LYAR: variants seen among roughly 807,000 people sequenced by gnomAD.
LYAR encodes the protein cell growth-regulating nucleolar protein.
LYAR carries 37 observed loss-of-function variants against 45.2 expected under a neutral mutation model. The observed-to-expected ratio is 0.82, with a 90% CI of 0.63 to 1.08. The LOEUF (loss-of-function observed/expected upper bound fraction) is 1.08. Ranked by LOEUF, LYAR falls within the 50% of genes least tolerant of loss-of-function variation. The probability of loss-of-function intolerance (pLI) is 0.00; values close to 1 mark genes in which losing one functional copy is unlikely to be tolerated. For missense variants in LYAR, 493 were observed against 451.0 expected (o/e 1.09, Z -0.84); for synonymous variants, 176 against 155.1 (o/e 1.14, Z -1.00).
chr4:4,279,389 T>C, intron 6 of LYAR, 58 bp downstream of exon 6: 1 of 1,148,560 alleles, frequency 8.7e-7, no homozygotes, highest in Non-Finnish European at 1.3e-6. Context: ...GAAATTCCCA[T>C]TTCATTATTA....
intron 8 of LYAR, 183 bp from the exon 9 acceptor site, chr4:4,268,798 A>C: frequency 1.9e-6 from 1 of 536,202 alleles, no homozygotes; most frequent in Non-Finnish European, 3.3e-6. Context: ...CTACCCTTCA[A>C]AGGACTGGCT....
chr4:4,275,035 C>T (rs1335774360), intron 6 of LYAR, among the ~76,000 whole-genome samples: 2 of 152,160 alleles, frequency 1.3e-5, no homozygotes, highest in Non-Finnish European at 2.9e-5. Context: ...ATCCTTATGT[C>T]GCTGAAGATA....
rs75362373 is a variant in LYAR at position 4,283,839 on chromosome 4, A to G, written c.-53-44T>C. 4,200 of 869,268 alleles carry G rather than the reference A, an allele frequency of 4.8e-3. 111 individuals carry two copies. The African/African-American group carries it at 0.061, about 13-fold the overall frequency. The allele number at this position is 869,268 out of a possible 1,614,324, so 53.8% of individuals were successfully genotyped here. A position where few individuals can be genotyped will look rare whatever the true frequency, so the allele number is the denominator to read the frequency against. On this transcript the variant is annotated intron_variant, in intron 2 of 9. Transcript: ENST00000343470. The stretch of plus-strand genomic sequence containing the variant: ...TTATAATTATAAACTGAAACTTCTC[A>G]TTTCAATAAATGGCTCATGCCCCTA...
rs751988467 is a variant in LYAR, at chr4:4,279,408, T to C, written c.429+39A>G. 3.3e-5 allele frequency: 43 copies of C among 1,297,874 alleles called. No homozygotes were observed. In the Middle Eastern group the frequency reaches 1.3e-3, roughly 40 times the overall value. The allele number at this position is 1,297,874 out of a possible 1,614,324, so 80.4% of individuals were successfully genotyped here. On this transcript the variant is annotated intron_variant, in intron 6 of 9. Transcript: ENST00000343470. Reference sequence around the variant, plus strand: ...TTCCCATTTCATTATTACTAATTATTTTTGCCACAATGCAAATCTAAAATC... The same window carrying C: ...TTCCCATTTCATTATTACTAATTATCTTTGCCACAATGCAAATCTAAAATC...
chr4:4,273,993 T>A (rs1429775131), intron 7 of LYAR, among the ~76,000 whole-genome samples: 2 of 152,112 alleles, frequency 1.3e-5, no homozygotes, highest in African/African-American at 4.8e-5. Context: ...CCCCAGCACT[T>A]TGGGAGGCCG....
chr4:4,271,267 G>A lies in LYAR; in HGVS notation c.919+2316C>T, dbSNP rs1219085205. Among the ~76,000 whole-genome samples, 4 of 152,160 alleles carry A rather than the reference G, an allele frequency of 2.6e-5. No individual in the cohort carries two copies. In the East Asian group the frequency reaches 7.7e-4, roughly 29 times the overall value. ...CCACAAATAAGTGAAAACATGCTAT[G>A]CTTGTCTTCCTGTGCTTGGCTTATT... On this transcript the variant is annotated intron_variant, in intron 8 of 9. Coordinates refer to ENST00000343470, the MANE Select transcript of LYAR (RefSeq NM_017816.3).
intron 6 of LYAR, among the ~76,000 whole-genome samples, chr4:4,276,861 G>A (rs1437630953): frequency 6.6e-6 from 1 of 151,954 alleles, no homozygotes; most frequent in Non-Finnish European, 1.5e-5. Flanking sequence ...CGTCTCAAAA[G>A]AAAAGAAAAT....
At chr4:4,279,819 A>G in intron 4 of LYAR, 70 bp from the exon 5 acceptor site, 1 of 1,019,960 alleles carries the variant, frequency 9.8e-7, no homozygotes, top group South Asian at 1.4e-5. Context: ...AAGCCAATTG[A>G]AAAAGTCCTT....
chr4:4,288,320 T>C (rs1035514289), intron 1 of LYAR, among the ~76,000 whole-genome samples: 4 of 152,074 alleles, frequency 2.6e-5, no homozygotes, highest in Non-Finnish European at 5.9e-5. Flanking sequence ...AACCCACCCA[T>C]TTATGTTCAT....
In LYAR at chr4:4,281,806, T is replaced by A. The variant is rs1340708933; in HGVS notation, c.214A>T (p.Ile72Phe). 1 of 1,614,112 alleles carries A rather than the reference T, an allele frequency of 6.2e-7. No homozygotes were observed. The highest frequency in any genetic ancestry group is 1.1e-5 in the South Asian group (1 of 91,088). ...GYEGKTHKGDIKQQAWIQKIS... is the reference protein window; with the variant it reads ...GYEGKTHKGDFKQQAWIQKIS... Reference sequence around the variant, plus strand: ...ACCTGAATCCACGCCTGCTGTTTGATGTCGCCTTTGTGGGTTTTACCTTCA... The same window carrying A: ...ACCTGAATCCACGCCTGCTGTTTGAAGTCGCCTTTGTGGGTTTTACCTTCA... The change falls in exon 4 of 10, where the codon ATC becomes TTC. Residue 72 changes from isoleucine to phenylalanine, a missense_variant. Coordinates refer to ENST00000343470, the MANE Select transcript of LYAR (RefSeq NM_017816.3).
At chr4:4,268,735 C>G in intron 8 of LYAR, 120 bp from the exon 9 acceptor site, 2 of 643,122 alleles carry the variant, frequency 3.1e-6, no homozygotes. Flanking sequence ...TCTAATGAAC[C>G]AGACTCCATA....
intron 8 of LYAR, among the ~76,000 whole-genome samples, chr4:4,271,601 A>G (rs1489920167): frequency 2.6e-5 from 4 of 152,218 alleles, no homozygotes; most frequent in African/African-American, 4.8e-5. Flanking sequence ...GCGGTTCTCC[A>G]TAGTGGTTGT....
At chr4:4,268,698 T>C (rs1718809039) in intron 8 of LYAR, 83 bp from the exon 9 acceptor site, 3 of 848,988 alleles carry the variant, frequency 3.5e-6, no homozygotes, top group Non-Finnish European at 5.7e-6. Flanking sequence ...GCAACACCTA[T>C]TTGCTTCCCA....
intron 1 of LYAR, among the ~76,000 whole-genome samples, chr4:4,288,603 A>G (rs1322382583): frequency 6.7e-6 from 1 of 150,312 alleles, no homozygotes; most frequent in African/African-American, 2.5e-5. Flanking sequence ...CTCCGGCCTC[A>G]GCCTCCCCAG....
At chr4:4,281,043 A>G (rs1719371710) in intron 4 of LYAR, among the ~76,000 whole-genome samples, 1 of 152,200 alleles carries the variant, frequency 6.6e-6, no homozygotes, top group South Asian at 2.1e-4. Context: ...GCATGTTTTC[A>G]TGCTGTTTTA....
chr4:4,288,879 C>G (rs1258826153), intron 1 of LYAR, among the ~76,000 whole-genome samples: 1 of 152,232 alleles, frequency 6.6e-6, no homozygotes, highest in Admixed American at 6.5e-5. Context: ...CCTGAGGGGC[C>G]TAGCTGGCAA....
Position 4,274,465 on chromosome 4 carries a change from G to A in LYAR, c.734C>T (p.Ala245Val), listed in dbSNP as rs1196418532. The A allele has an allele frequency of 6.2e-7, 1 of 1,614,084 alleles. No homozygotes were observed. The highest frequency in any genetic ancestry group is 1.7e-5 in the Admixed American group (1 of 60,016). The stretch of plus-strand genomic sequence containing the variant: ...CTTCTTCTTCTTGCTCCTCTTCCCT[G>A]CAGAGCCATTGGCCTCAGGGACTTC... ...GEEVPEANGS[A>V]GKRSKKKKQR... The change falls in exon 7 of 10, where the codon GCA (alanine) becomes GTA (valine). Residue 245 changes from alanine to valine, a missense_variant. Coordinates refer to ENST00000343470, the MANE Select transcript of LYAR (RefSeq NM_017816.3).
intron 8 of LYAR, among the ~76,000 whole-genome samples, chr4:4,272,128 T>G (rs1347094793): frequency 6.6e-6 from 1 of 152,184 alleles, no homozygotes; most frequent in African/African-American, 2.4e-5. Context: ...GGAGGCAGCC[T>G]TGCGCAATGG....
At chr4:4,274,282 C>T (rs558957282) in intron 7 of LYAR, 85 bp downstream of exon 7, 44 of 1,409,972 alleles carry the variant, frequency 3.1e-5, no homozygotes, top group South Asian at 2.8e-4. Context: ...GCACACAAAA[C>T]GCTAGGTCTA....
Sources: gnomAD v4.1 joint callset for allele counts (sites outside exome capture counted in the v4.1 genomes callset) on GRCh38, gnomAD v4.1.1 for gene constraint, MANE v1.5 for transcripts, NCBI Gene and HGNC (gene_info 2026-07-23, HGNC 2026-07-21) for gene names.